Variants in TMEM272 observed in about 807,000 individuals in gnomAD.
The protein encoded by TMEM272 is transmembrane protein 272.
In TMEM272, 8 loss-of-function variants were observed where a neutral mutation model predicts 3.7. The ratio of observed to expected loss-of-function variants is 2.17; its 90% CI spans 1.27 to 3.91. The LOEUF is 3.91. Ranked by LOEUF, TMEM272 falls within the 30% of genes most tolerant of loss-of-function variation. The pLI is 0.00. For synonymous variants in TMEM272, 63 were observed against 39.8 expected (o/e 1.58, Z -2.20); for missense variants, 166 against 91.5 (o/e 1.81, Z -3.32).
At chr13:51,893,496 TAATCAGGAAAAAACAGC>T in the TMEM272 span, among the ~76,000 whole-genome samples, 1 of 152,198 alleles carries the variant, frequency 6.6e-6, no homozygotes, top group Admixed American at 6.5e-5. Flanking sequence ...GTCCTGAGAC[TAATCAGGAAAAAACAGC>T]AACAACGATG....
the TMEM272 span, among the ~76,000 whole-genome samples, chr13:51,851,504 A>G: frequency 6.6e-6 from 1 of 150,566 alleles, no homozygotes. Context: ...AATCAGCACG[A>G]AAAGACCTTT....
the TMEM272 span, among the ~76,000 whole-genome samples, chr13:51,886,783 C>T: frequency 1.3e-5 from 2 of 152,118 alleles, no homozygotes; most frequent in Non-Finnish European, 2.9e-5. Context: ...GTAGTGAAAA[C>T]TAAAACCAAA....
chr13:51,926,499 G>C, the TMEM272 span, among the ~76,000 whole-genome samples: 3 of 151,918 alleles, frequency 2.0e-5, no homozygotes, highest in Non-Finnish European at 2.9e-5. Context: ...TAAACCCATG[G>C]ATGACACAGG....
At chr13:51,877,139 T>C in the TMEM272 span, among the ~76,000 whole-genome samples, 1 of 152,214 alleles carries the variant, frequency 6.6e-6, no homozygotes, top group Non-Finnish European at 1.5e-5. Flanking sequence ...CACAGCTCTG[T>C]CCAACCTGCA....
upstream of TMEM272, among the ~76,000 whole-genome samples, chr13:51,846,530 C>T (rs963106103): frequency 7.6e-5 from 11 of 144,128 alleles, no homozygotes; most frequent in Non-Finnish European, 1.7e-4. Context: ...TGTATTTATA[C>T]TATACTTTTT....
intron 2 of TMEM272, among the ~76,000 whole-genome samples, chr13:51,829,169 T>C (rs1290508398): frequency 6.6e-6 from 1 of 152,228 alleles, no homozygotes; most frequent in Admixed American, 6.5e-5. Context: ...GTCATTTCAG[T>C]GACTCAACAT....
the TMEM272 span, among the ~76,000 whole-genome samples, chr13:51,919,533 T>C: frequency 2.2e-5 from 2 of 89,304 alleles, no homozygotes; most frequent in African/African-American, 7.9e-5. Flanking sequence ...CATAAAATTA[T>C]TTTTTTTAAT....
the TMEM272 span, among the ~76,000 whole-genome samples, chr13:51,921,864 C>A: frequency 6.6e-6 from 1 of 152,190 alleles, no homozygotes; most frequent in African/African-American, 2.4e-5. Flanking sequence ...CTGATGTAAT[C>A]TTTCTCACAT....
At chr13:51,860,569 A>G in the TMEM272 span, among the ~76,000 whole-genome samples, 2 of 144,504 alleles carry the variant, frequency 1.4e-5, no homozygotes, top group Admixed American at 7.1e-5. Flanking sequence ...AGTCCAGGAA[A>G]TTGAGGCTGC....
intron 3 of TMEM272, among the ~76,000 whole-genome samples, chr13:51,824,498 C>T (rs1196682846): frequency 2.0e-5 from 3 of 152,192 alleles, no homozygotes; most frequent in Admixed American, 2.0e-4. Flanking sequence ...CAAACACAAA[C>T]TCTATAACCA....
At chr13:51,872,399 AAG>A in the TMEM272 span, among the ~76,000 whole-genome samples, 19 of 150,344 alleles carry the variant, frequency 1.3e-4, no homozygotes, top group Admixed American at 1.3e-4. Context: ...GAAGTTTAAG[AAG>A]AGAGAGAGAG....
chr13:51,881,518 A>G, the TMEM272 span, among the ~76,000 whole-genome samples: 1 of 152,208 alleles, frequency 6.6e-6, no homozygotes, highest in East Asian at 1.9e-4. Context: ...GAGGGGTGTT[A>G]GTGAACACAA....
At chr13:51,870,140 G>A in the TMEM272 span, among the ~76,000 whole-genome samples, 1 of 152,186 alleles carries the variant, frequency 6.6e-6, no homozygotes, top group Non-Finnish European at 1.5e-5. Flanking sequence ...ACTTACATCA[G>A]GCCTAAGCAA....
At chr13:51,865,269 G>A in the TMEM272 span, 1 of 853,120 alleles carries the variant, frequency 1.2e-6, no homozygotes, top group Non-Finnish European at 1.8e-6. Context: ...CAGTAGTACA[G>A]AACCAAGGGC....
the TMEM272 span, among the ~76,000 whole-genome samples, chr13:51,867,961 A>G: frequency 6.6e-6 from 1 of 152,150 alleles, no homozygotes; most frequent in Non-Finnish European, 1.5e-5. Context: ...AAAATTCAGG[A>G]TGAAGGGAGA....
the TMEM272 span, among the ~76,000 whole-genome samples, chr13:51,906,504 T>A: frequency 4.6e-5 from 7 of 152,220 alleles, no homozygotes; most frequent in Non-Finnish European, 7.3e-5. Flanking sequence ...TCATGGGCCC[T>A]AAAGTGGGGA....
chr13:51,860,246 G>T, the TMEM272 span, among the ~76,000 whole-genome samples: 2 of 152,138 alleles, frequency 1.3e-5, no homozygotes, highest in African/African-American at 4.8e-5. Context: ...GTTATAAACT[G>T]TCTCTGAGGA....
At chr13:51,915,849 C>T in the TMEM272 span, among the ~76,000 whole-genome samples, 1 of 152,116 alleles carries the variant, frequency 6.6e-6, no homozygotes, top group East Asian at 1.9e-4. Flanking sequence ...CTGAGGCAGG[C>T]GGGTCACGAG....
At chr13:51,859,505 A>AACACACACACAC in the TMEM272 span, among the ~76,000 whole-genome samples, 664 of 129,936 alleles carry the variant, frequency 5.1e-3, 7 homozygotes, top group Non-Finnish European at 5.6e-3. Context: ...CTCCCAACCA[A>AACACACACACAC]ACACACACAC....
Sources: allele counts gnomAD v4.1 joint callset (sites outside exome capture counted in the v4.1 genomes callset), GRCh38; gene constraint gnomAD v4.1.1; transcripts MANE v1.5; gene names NCBI Gene and HGNC (gene_info 2026-07-23, HGNC 2026-07-21).